The following GREB1 variants were observed in gnomAD, a reference collection of about 807,000 sequenced individuals.
GREB1 encodes protein GREB1.
GREB1 carries 106 observed loss-of-function variants against 200.7 expected under a neutral mutation model. That is an observed-to-expected ratio of 0.53 (90% CI 0.45 to 0.62). The LOEUF (loss-of-function observed/expected upper bound fraction) is 0.62. GREB1 is among the 20% of genes least tolerant of loss of function. The pLI is 0.00. For synonymous variants in GREB1, 1,132 were observed against 1,092.4 expected (o/e 1.04, Z -0.72); for missense variants, 2,243 against 2,556.8 (o/e 0.88, Z 2.65).
chr2:11,514,875 G>A (rs1241181171), intron 1 of GREB1, among the ~76,000 whole-genome samples: 4 of 152,212 alleles, frequency 2.6e-5, no homozygotes, highest in Admixed American at 2.6e-4. Context: ...TTAGTGCTGT[G>A]CTTGGCACAG....
rs144073447 is a variant in GREB1, at chr2:11,577,740, C to T, written c.638-557C>T. On this transcript the variant is annotated intron_variant, in intron 5 of 32. Coordinates refer to ENST00000381486, the MANE Select transcript of GREB1 (RefSeq NM_014668.4). ...GCTCTGGGCACGCCCCCCTCACACC[C>T]GACTCTTCCTTCCTCTCTGCTTTTC... Among the ~76,000 whole-genome samples the T allele has an allele frequency of 2.7e-4, 41 of 152,278 alleles. 1 individual carries two copies. The highest frequency in any genetic ancestry group is 3.4e-3 in the Middle Eastern group (1 of 294).
At chr2:11,489,336 G>T (rs978773941) in intron 1 of GREB1, among the ~76,000 whole-genome samples, 38 of 152,200 alleles carry the variant, frequency 2.5e-4, no homozygotes, top group African/African-American at 9.2e-4. Flanking sequence ...GCGCGTGCCT[G>T]TAATCCCAGC....
intron 19 of GREB1, among the ~76,000 whole-genome samples, chr2:11,612,843 G>A (rs911007063): frequency 6.6e-6 from 1 of 152,242 alleles, no homozygotes; most frequent in African/African-American, 2.4e-5. Flanking sequence ...TCGTGGTGAC[G>A]GCTGTTGCCA....
At chr2:11,581,846 G>A (rs1679516249) in intron 7 of GREB1, among the ~76,000 whole-genome samples, 1 of 152,186 alleles carries the variant, frequency 6.6e-6, no homozygotes, top group African/African-American at 2.4e-5. Flanking sequence ...TGCTGGTGGA[G>A]GATCTCCCTG....
At position 11,635,366 on chromosome 2, in the gene GREB1, C is replaced by G. The variant is rs564155213; in HGVS notation, c.5307C>G (p.Ile1769Met). Residue 1769 changes from isoleucine to methionine, a missense_variant, in exon 30 of 33, where the codon ATC (isoleucine) becomes ATG (methionine). This residue lies in a region of GREB1 where 478 missense variants were observed against 616.3 expected (regional missense o/e 0.78). Transcript: ENST00000381486. ...FNRFSVMKKQIVVGGHRSFHI... is the reference protein window; with the variant it reads ...FNRFSVMKKQMVVGGHRSFHI... Reference sequence around the variant, plus strand: ...GCTTCAGCGTGATGAAGAAGCAGATCGTGGTGGGCGGCCACAGGTCCTTCC... The same window carrying G: ...GCTTCAGCGTGATGAAGAAGCAGATGGTGGTGGGCGGCCACAGGTCCTTCC... 2 of 1,613,632 alleles carry G rather than the reference C, an allele frequency of 1.2e-6. No homozygotes were observed. The highest frequency in any genetic ancestry group is 1.3e-5 in the African/African-American group (1 of 75,054).
At chr2:11,495,998 G>A (rs1274107538) in intron 1 of GREB1, among the ~76,000 whole-genome samples, 1 of 152,026 alleles carries the variant, frequency 6.6e-6, no homozygotes, top group Non-Finnish European at 1.5e-5. Context: ...AGGGTAAGGA[G>A]GTCACAGCTC....
Position 11,640,377 on chromosome 2 carries a change from C to G in GREB1, c.5773C>G (p.Arg1925Gly), listed in dbSNP as rs755838573. 1.6e-5 allele frequency: 26 copies of G among 1,614,100 alleles called. No individual in the cohort carries two copies. Among genetic ancestry groups the G allele is most frequent in the Non-Finnish European group, 2.2e-5 (26 of 1,180,046 alleles). The stretch of plus-strand genomic sequence containing the variant: ...GGAGCTCGAGGACGAGTGGCAGTTC[C>G]GGCTGCGCGATGAGTTCCAGACCGC... The part of the protein sequence containing the change: ...RLELEDEWQF[R>G]LRDEFQTANA... The change falls in exon 33 of 33, where the codon CGG becomes GGG. Residue 1925 changes from arginine to glycine, a missense_variant. This residue lies in a region of GREB1 where 478 missense variants were observed against 616.3 expected (regional missense o/e 0.78). Coordinates refer to ENST00000381486, the MANE Select transcript of GREB1 (RefSeq NM_014668.4). The surrounding 1 kb of genome is among the most constrained non-coding windows in gnomAD (Gnocchi z 4.6).
rs905797328 is a variant in GREB1 at position 11,629,521 on chromosome 2, T to A, written c.4450-427T>A. 1.3e-5 allele frequency among the ~76,000 whole-genome samples: 2 copies of A among 152,168 alleles called. No individual in the cohort carries two copies. The highest frequency in any genetic ancestry group is 2.9e-5 in the Non-Finnish European group (2 of 68,038). On this transcript the variant is annotated intron_variant, in intron 25 of 32. Transcript: ENST00000381486. The surrounding 1 kb of genome is among the most constrained non-coding windows in gnomAD (Gnocchi z 5.2). ...CCTGGCGAGCCGTGTTATAGGAGTG[T>A]CCAAGCATATGCAGCTAGTGTTAAT...
In GREB1 at chr2:11,633,050, G is replaced by A. The variant is rs978329273; in HGVS notation, c.4978G>A (p.Gly1660Arg). The A allele has an allele frequency of 3.1e-6, 5 of 1,613,966 alleles. No homozygotes were observed. In the African/African-American group the frequency reaches 6.7e-5, roughly 22 times the overall value. Reference protein sequence around the residue: ...MWNVVDVNSAGERSREFSWSE... With the variant: ...MWNVVDVNSARERSREFSWSE... ...GAACGTGGTGGATGTCAACTCTGCT[G>A]GGGAGAGAAGCAGGTGAGGTAACCT... Residue 1660 changes from glycine (G) to arginine (R), a missense_variant, in exon 28 of 33, where the codon GGG (glycine) becomes AGG (arginine). Transcript: ENST00000381486. This position sits in a 1 kb window ranked among gnomAD's most constrained non-coding sequence, Gnocchi z 4.1.
chr2:11,580,654 A>C lies in GREB1; in HGVS notation c.773-50A>C. On this transcript the variant is annotated intron_variant, in intron 6 of 32. Coordinates refer to ENST00000381486, the MANE Select transcript of GREB1 (RefSeq NM_014668.4). The surrounding 1 kb of genome is among the most constrained non-coding windows in gnomAD (Gnocchi z 4.5). ...ATGATTTCCTCCTTGCCTGGCTCCC[A>C]GGGCATTCTTGTGAACTGACCCTCC... 2 of 1,548,034 alleles carry C rather than the reference A, an allele frequency of 1.3e-6. No individual in the cohort carries two copies. Among genetic ancestry groups the C allele is most frequent in the Non-Finnish European group, 1.7e-6 (2 of 1,145,760 alleles).
At chr2:11,523,118 A>C in intron 1 of GREB1, among the ~76,000 whole-genome samples, 1 of 152,222 alleles carries the variant, frequency 6.6e-6, no homozygotes, top group South Asian at 2.1e-4. Context: ...TTAGCAGACT[A>C]ACACAGGAAC....
At chr2:11,600,724 T>C in intron 15 of GREB1, 76 bp from the exon 16 acceptor site, 1 of 1,198,896 alleles carries the variant, frequency 8.3e-7, no homozygotes, top group South Asian at 1.2e-5. Flanking sequence ...TAGTTATAAA[T>C]TTATTCAACT....
At chr2:11,539,054 T>TTCTCG in intron 1 of GREB1, among the ~76,000 whole-genome samples, 1 of 105,146 alleles carries the variant, frequency 9.5e-6, no homozygotes, top group African/African-American at 3.7e-5. Context: ...TTCTCTTCTC[T>TTCTCG]TCTCTTCTCT....
Position 11,595,264 on chromosome 2 carries a change from C to G in GREB1, c.1710C>G (p.Ala570=). 1 of 1,613,240 alleles carries G rather than the reference C, an allele frequency of 6.2e-7. No homozygotes were observed. Among genetic ancestry groups the G allele is most frequent in the Non-Finnish European group, 8.5e-7 (1 of 1,179,472 alleles). Reference sequence around the variant, plus strand: ...TTTGCTTTCCAGGAAAATACCAAGCCCGGATTCTTTCCGAGAGCCTTCTCA... The same window carrying G: ...TTTGCTTTCCAGGAAAATACCAAGCGCGGATTCTTTCCGAGAGCCTTCTCA... ...SCIAVTGKYQ[A]RILSESLLTP... The change falls in exon 12 of 33, where the codon GCC becomes GCG. Residue 570 remains alanine, a synonymous_variant. Coordinates refer to ENST00000381486, the MANE Select transcript of GREB1 (RefSeq NM_014668.4).
rs535382949 is a variant in GREB1, at chr2:11,618,930, C to CT, written c.4044+12dup. On this transcript the variant is annotated intron_variant, in intron 22 of 32. Transcript: ENST00000381486. ...AGCGGCCCCCCTCAGGTGAGTGTTG[C>CT]TCGCTGCCCCAGCACAGCCCCGGAC... 410 of 1,487,634 alleles carry CT rather than the reference C, an allele frequency of 2.8e-4. 2 individuals are homozygous for CT. In the African/African-American group the frequency reaches 5.2e-3, roughly 19 times the overall value. The allele number at this position is 1,487,634 out of a possible 1,614,324, so 92.2% of individuals were successfully genotyped here.
chr2:11,514,164 G>A (rs1037711299), intron 1 of GREB1, among the ~76,000 whole-genome samples: 1 of 152,214 alleles, frequency 6.6e-6, no homozygotes, highest in South Asian at 2.1e-4. Context: ...CAAATCCCAG[G>A]AAGCAGGAAA....
chr2:11,636,956 G>A (rs1685408774), intron 30 of GREB1, among the ~76,000 whole-genome samples: 2 of 132,416 alleles, frequency 1.5e-5, no homozygotes, highest in East Asian at 2.5e-4. Context: ...AGGGACAGAG[G>A]CAGGGGCAGG....
rs769195228 is a variant in GREB1, at chr2:11,592,945, C to T, written c.1515C>T (p.Ala505=). The change falls in exon 11 of 33, where the codon GCC becomes GCT. Residue 505 remains alanine (A), a synonymous_variant. Coordinates refer to ENST00000381486, the MANE Select transcript of GREB1 (RefSeq NM_014668.4). The stretch of plus-strand genomic sequence containing the variant: ...CCTCCGCGCAGCTGCCCTGGCTGGC[C>T]AGCCTGGCCGCCAGCTCCTGCAACG... ...PVTSAQLPWL[A]SLAASSCNDS... 5 of 1,586,268 alleles carry T rather than the reference C, an allele frequency of 3.2e-6. No individual in the cohort carries two copies. The African/African-American group carries it at 5.4e-5, about 17-fold the overall frequency.
intron 29 of GREB1, 152 bp from the exon 30 acceptor site, chr2:11,635,118 C>T: frequency 1.2e-6 from 1 of 814,656 alleles, no homozygotes; most frequent in Non-Finnish European, 1.9e-6. Context: ...CTCATATTTC[C>T]CCTAGAGTAA....
Sources: allele counts gnomAD v4.1 joint callset (sites outside exome capture counted in the v4.1 genomes callset), GRCh38; gene constraint gnomAD v4.1.1; regional missense constraint gnomAD v4.1.1; non-coding constraint Gnocchi (gnomAD v3.1); transcripts MANE v1.5; gene names NCBI Gene and HGNC (gene_info 2026-07-23, HGNC 2026-07-21).